The following SLC25A20 variants were observed in gnomAD, a reference collection of about 807,000 sequenced individuals.
The protein encoded by SLC25A20 is mitochondrial carnitine/acylcarnitine carrier protein.
Under a neutral mutation model 39.7 loss-of-function variants are expected in SLC25A20, and 29 were observed. That is an observed-to-expected ratio of 0.73 (90% CI 0.54 to 1.00). The LOEUF (loss-of-function observed/expected upper bound fraction) is 1.00. Ranked by LOEUF, SLC25A20 falls within the 50% of genes least tolerant of loss-of-function variation. The pLI is 0.00. For synonymous variants in SLC25A20, 103 were observed against 142.2 expected (o/e 0.72, Z 1.96); for missense variants, 333 against 379.9 (o/e 0.88, Z 1.03).
At chr3:48,873,841 C>A (rs1245409015) in intron 4 of SLC25A20, among the ~76,000 whole-genome samples, 14 of 150,190 alleles carry the variant, frequency 9.3e-5, no homozygotes, top group Non-Finnish European at 2.1e-4. Flanking sequence ...CGGTGGCAGG[C>A]GCCTGTAGTC....
At chr3:48,886,968 C>T (rs1013383581) in intron 2 of SLC25A20, among the ~76,000 whole-genome samples, 1 of 152,338 alleles carries the variant, frequency 6.6e-6, no homozygotes, top group East Asian at 1.9e-4. Context: ...TCCAAACTTT[C>T]TTTTCAGAAT....
intron 5 of SLC25A20, among the ~76,000 whole-genome samples, chr3:48,860,169 C>A (rs1478676883): frequency 6.6e-6 from 1 of 151,594 alleles, no homozygotes; most frequent in Non-Finnish European, 1.5e-5. Flanking sequence ...GGCGTGGTGG[C>A]GGGCACCTGT....
chr3:48,857,914 T>G, intron 8 of SLC25A20, 142 bp from the exon 9 acceptor site: 1 of 675,942 alleles, frequency 1.5e-6, no homozygotes, highest in Non-Finnish European at 2.6e-6. Context: ...ATGCAAGCTC[T>G]ACTCTCTCAT....
At chr3:48,867,221 T>C (rs530684284) in intron 4 of SLC25A20, among the ~76,000 whole-genome samples, 1 of 151,768 alleles carries the variant, frequency 6.6e-6, no homozygotes, top group African/African-American at 2.4e-5. Context: ...AGATTATAGG[T>C]GTGAGCCACT....
chr3:48,882,685 AC>A (rs747282914), intron 3 of SLC25A20, among the ~76,000 whole-genome samples: 1 of 151,654 alleles, frequency 6.6e-6, no homozygotes. Flanking sequence ...TAATGAGAGC[AC>A]CCCCCGCCGC....
At chr3:48,864,347 C>CAAAAA (rs55843120) in intron 4 of SLC25A20, among the ~76,000 whole-genome samples, 14 of 48,086 alleles carry the variant, frequency 2.9e-4, no homozygotes, top group Non-Finnish European at 4.5e-4. Flanking sequence ...GACTCTGTCT[C>CAAAAA]AAAAAAAAAA....
intron 2 of SLC25A20, among the ~76,000 whole-genome samples, chr3:48,888,547 C>T (rs1559671396): frequency 6.6e-6 from 1 of 150,602 alleles, no homozygotes; most frequent in Non-Finnish European, 1.5e-5. Context: ...CCAGCCTGGG[C>T]AACTGAACAA....
intron 4 of SLC25A20, among the ~76,000 whole-genome samples, chr3:48,865,373 G>A (rs1325492616): frequency 4.6e-5 from 7 of 151,714 alleles, no homozygotes; most frequent in East Asian, 1.9e-4. Flanking sequence ...TGATCCATCC[G>A]CCTCGGCCAC....
intron 1 of SLC25A20, among the ~76,000 whole-genome samples, chr3:48,897,485 C>T (rs1309241196): frequency 3.3e-5 from 5 of 151,060 alleles, no homozygotes; most frequent in Admixed American, 2.7e-4. Flanking sequence ...TAGACAGTGC[C>T]GCTTGGAATG....
chr3:48,858,697 G>C, intron 7 of SLC25A20, 66 bp from the exon 8 acceptor site: 1 of 1,603,252 alleles, frequency 6.2e-7, no homozygotes, highest in Non-Finnish European at 8.5e-7. Flanking sequence ...TCTTCCTGAA[G>C]GGTCAGGACT....
intron 2 of SLC25A20, among the ~76,000 whole-genome samples, 160 bp downstream of exon 2, chr3:48,891,820 A>G (rs1575992818): frequency 6.6e-6 from 1 of 152,216 alleles, no homozygotes; most frequent in Non-Finnish European, 1.5e-5. Context: ...ACTCCAAAGC[A>G]GATGACAACA....
At chr3:48,863,438 A>G (rs1306397438) in intron 4 of SLC25A20, among the ~76,000 whole-genome samples, 1 of 152,180 alleles carries the variant, frequency 6.6e-6, no homozygotes, top group Admixed American at 6.6e-5. Context: ...GCTCCTATGC[A>G]GAGCCAGAGG....
chr3:48,891,209 G>A (rs2083873463), intron 2 of SLC25A20, among the ~76,000 whole-genome samples: 1 of 152,246 alleles, frequency 6.6e-6, no homozygotes, highest in South Asian at 2.1e-4. Context: ...CAAGTAGCTG[G>A]GACTACAGGC....
chr3:48,884,245 G>C, intron 2 of SLC25A20, 121 bp from the exon 3 acceptor site: 1 of 1,279,800 alleles, frequency 7.8e-7, no homozygotes, highest in Admixed American at 1.8e-5. Context: ...GAAGCAAGGA[G>C]AACTTTAAAT....
At chr3:48,870,428 C>A (rs968140092) in intron 4 of SLC25A20, among the ~76,000 whole-genome samples, 2 of 151,844 alleles carry the variant, frequency 1.3e-5, no homozygotes, top group Admixed American at 6.6e-5. Context: ...ATGTGGACAA[C>A]CAAATAAAAT....
intron 4 of SLC25A20, among the ~76,000 whole-genome samples, chr3:48,863,410 G>C (rs571423102): frequency 6.6e-6 from 1 of 152,282 alleles, no homozygotes; most frequent in East Asian, 1.9e-4. Flanking sequence ...TCCCAGACAG[G>C]GGTCCTGTTC....
chr3:48,864,764 CAAGT>C (rs1239094238), intron 4 of SLC25A20, among the ~76,000 whole-genome samples: 1 of 152,036 alleles, frequency 6.6e-6, no homozygotes, highest in African/African-American at 2.4e-5. Flanking sequence ...AGAAGGGAAA[CAAGT>C]AAGGAGGCCC....
At position 48,859,178 on chromosome 3, in the gene SLC25A20, C is replaced by G. The variant is rs200418177; in HGVS notation, c.632G>C (p.Arg211Pro). Residue 211 changes from arginine (R) to proline (P), a missense_variant, in exon 7 of 9, where the codon CGG (arginine) becomes CCG (proline). Physicochemically the swap from Arg to Pro is moderately radical, Grantham distance 103. Transcript: ENST00000319017. Reference protein sequence around the residue: ...GKRVSELSAPRILVAGGIAGI... With the variant: ...GKRVSELSAPPILVAGGIAGI... ...TGCAATGCCCCCAGCCACCAAGATC[C>G]GAGGGGCACTGAGCTCACTGACCCT... 1.9e-6 allele frequency: 3 copies of G among 1,613,998 alleles called. No individual in the cohort carries two copies. Among genetic ancestry groups the G allele is most frequent in the Non-Finnish European group, 2.5e-6 (3 of 1,179,992 alleles).
At chr3:48,860,647 G>A (rs919420794) in intron 5 of SLC25A20, among the ~76,000 whole-genome samples, 9 of 151,328 alleles carry the variant, frequency 5.9e-5, no homozygotes, top group East Asian at 5.9e-4. Context: ...AATTAGCCCG[G>A]CCTGGTGGCA....
Sources: allele counts gnomAD v4.1 joint callset (sites outside exome capture counted in the v4.1 genomes callset), GRCh38; gene constraint gnomAD v4.1.1; transcripts MANE v1.5; gene names NCBI Gene and HGNC (gene_info 2026-07-23, HGNC 2026-07-21).